Variants in ABAT observed in about 807,000 individuals in gnomAD.
ABAT encodes 4-aminobutyrate aminotransferase, mitochondrial.
Under a neutral mutation model 64.6 loss-of-function variants are expected in ABAT, and 45 were observed. The ratio of observed to expected loss-of-function variants is 0.70; its 90% CI spans 0.55 to 0.89. The LOEUF is 0.89. ABAT is among the 40% of genes least tolerant of loss of function. The probability of loss-of-function intolerance (pLI) is 0.00; values close to 1 mark genes in which losing one functional copy is unlikely to be tolerated. For synonymous variants in ABAT, 297 were observed against 250.5 expected (o/e 1.19, Z -1.75); for missense variants, 633 against 658.4 (o/e 0.96, Z 0.42).
Position 8,772,932 on chromosome 16 carries a change from C to A in ABAT, c.954+15C>A, listed in dbSNP as rs748546258. The A allele has an allele frequency of 1.9e-6, 3 of 1,613,058 alleles. No individual in the cohort carries two copies. The highest frequency in any genetic ancestry group is 3.3e-5 in the Admixed American group (2 of 59,978). On this transcript the variant is annotated intron_variant, in intron 12 of 15. Coordinates refer to ENST00000268251, the MANE Select transcript of ABAT (RefSeq NM_020686.6). ...TCGCCAGGAAGGTCAGTGGACAGGG[C>A]CGAGGTTGGATGGAGCCATTGGGTT...
intron 8 of ABAT, among the ~76,000 whole-genome samples, chr16:8,765,046 TG>T (rs1223623038): frequency 6.6e-6 from 1 of 151,896 alleles, no homozygotes; most frequent in Non-Finnish European, 1.5e-5. Context: ...AACTATGCAA[TG>T]GGGGCTGGGC....
chr16:8,676,430 CTGGGT>C (rs2057204468), intron 1 of ABAT, among the ~76,000 whole-genome samples: 1 of 152,058 alleles, frequency 6.6e-6, no homozygotes, highest in Non-Finnish European at 1.5e-5. Context: ...TTGGGGACTG[CTGGGT>C]CCCAAGTCCC....
intron 1 of ABAT, among the ~76,000 whole-genome samples, chr16:8,706,940 C>A (rs2057958701): frequency 6.6e-6 from 1 of 152,100 alleles, no homozygotes; most frequent in African/African-American, 2.4e-5. Flanking sequence ...ATGGCAGGTG[C>A]AAAGGCCCTG....
intron 1 of ABAT, among the ~76,000 whole-genome samples, chr16:8,723,933 C>G (rs537338044): frequency 6.9e-6 from 1 of 144,524 alleles, no homozygotes. Flanking sequence ...CCCCACCTCC[C>G]GGGTTCAAGC....
intron 6 of ABAT, among the ~76,000 whole-genome samples, chr16:8,763,783 C>T (rs1194873911): frequency 6.6e-6 from 1 of 152,172 alleles, no homozygotes; most frequent in Non-Finnish European, 1.5e-5. Flanking sequence ...CAAAGAGCCC[C>T]ATGTACGCTT....
chr16:8,700,748 A>G (rs2057803209), intron 1 of ABAT, among the ~76,000 whole-genome samples: 1 of 151,984 alleles, frequency 6.6e-6, no homozygotes, highest in Non-Finnish European at 1.5e-5. Flanking sequence ...GGTGTGCACC[A>G]CTACACCTGG....
chr16:8,696,447 G>A (rs1446292426), intron 1 of ABAT, among the ~76,000 whole-genome samples: 1 of 152,080 alleles, frequency 6.6e-6, no homozygotes, highest in Non-Finnish European at 1.5e-5. Context: ...ACATGATGAA[G>A]CCCTGTCTCT....
intron 2 of ABAT, among the ~76,000 whole-genome samples, chr16:8,743,623 GAT>G: frequency 7.5e-6 from 1 of 133,066 alleles, no homozygotes; most frequent in East Asian, 2.0e-4. Flanking sequence ...TTAGTTATAT[GAT>G]ATATATTTTA....
Position 8,733,325 on chromosome 16 carries a change from G to A in ABAT, c.-41-2374G>A, listed in dbSNP as rs1423622451. 3.3e-5 allele frequency among the ~76,000 whole-genome samples: 5 copies of A among 151,272 alleles called. No individual in the cohort carries two copies. In the East Asian group the frequency reaches 5.8e-4, roughly 18 times the overall value. ...TTCCTAGGTGGGATGGCGGCCGGGC[G>A]GAGACGCTCCTCACTTTCCAGACTG... On this transcript the variant is annotated intron_variant, in intron 1 of 15. Transcript: ENST00000268251.
chr16:8,703,978 C>G, intron 1 of ABAT, among the ~76,000 whole-genome samples: 1 of 152,212 alleles, frequency 6.6e-6, no homozygotes, highest in East Asian at 1.9e-4. Context: ...AGTCTGCATC[C>G]CAGAGCACAG....
At chr16:8,699,716 C>T (rs1459903957) in intron 1 of ABAT, among the ~76,000 whole-genome samples, 6 of 152,056 alleles carry the variant, frequency 3.9e-5, no homozygotes, top group Non-Finnish European at 8.8e-5. Flanking sequence ...TGTGCACCAC[C>T]ACACCTGGCT....
intron 12 of ABAT, among the ~76,000 whole-genome samples, chr16:8,774,072 G>A (rs2060198053): frequency 6.6e-6 from 1 of 152,140 alleles, no homozygotes; most frequent in Non-Finnish European, 1.5e-5. Context: ...GAGATTACAG[G>A]TGCACGACAC....
intron 1 of ABAT, among the ~76,000 whole-genome samples, chr16:8,724,058 C>G (rs2058463459): frequency 6.6e-6 from 1 of 151,648 alleles, no homozygotes; most frequent in Non-Finnish European, 1.5e-5. Context: ...CCAGGCTGGT[C>G]TTGAACTCCT....
intron 1 of ABAT, among the ~76,000 whole-genome samples, chr16:8,687,684 C>T (rs1201235936): frequency 6.6e-6 from 1 of 152,116 alleles, no homozygotes; most frequent in African/African-American, 2.4e-5. Context: ...TGTGGTGGGG[C>T]TTGGGCTGAG....
intron 2 of ABAT, among the ~76,000 whole-genome samples, chr16:8,739,192 C>T (rs929680738): frequency 3.3e-5 from 5 of 152,142 alleles, no homozygotes; most frequent in African/African-American, 4.8e-5. Flanking sequence ...AGCCTGGTGG[C>T]GCATGTGGCA....
intron 1 of ABAT, among the ~76,000 whole-genome samples, chr16:8,685,345 G>T (rs546538537): frequency 6.6e-6 from 1 of 151,772 alleles, no homozygotes; most frequent in Non-Finnish European, 1.5e-5. Context: ...AATTTGTGTT[G>T]TAAGTAGGTA....
At position 8,744,922 on chromosome 16, in the gene ABAT, T is replaced by C. The variant is rs576570398; in HGVS notation, c.71-1079T>C. Among the ~76,000 whole-genome samples the C allele has an allele frequency of 9.9e-5, 15 of 152,244 alleles. No homozygotes were observed. In the East Asian group the frequency reaches 2.5e-3, roughly 26 times the overall value. ...AATGGGTGCATAATATTCCATGAAA[T>C]GGTTGACTATGCCACATTCTGCTTA... On this transcript the variant is annotated intron_variant, in intron 2 of 15. Transcript: ENST00000268251.
At chr16:8,722,484 T>C (rs140489910) in intron 1 of ABAT, among the ~76,000 whole-genome samples, 15 of 152,250 alleles carry the variant, frequency 9.9e-5, no homozygotes, top group South Asian at 8.3e-4. Context: ...AAAATTACTT[T>C]TTTAAATTGA....
intron 1 of ABAT, among the ~76,000 whole-genome samples, chr16:8,682,631 C>T (rs1567268728): frequency 6.6e-6 from 1 of 152,174 alleles, no homozygotes; most frequent in Non-Finnish European, 1.5e-5. Context: ...TTGTCCTTGT[C>T]CAGAGGTCCC....
Sources: gnomAD v4.1 joint callset for allele counts (sites outside exome capture counted in the v4.1 genomes callset) on GRCh38, gnomAD v4.1.1 for gene constraint, MANE v1.5 for transcripts, NCBI Gene and HGNC (gene_info 2026-07-23, HGNC 2026-07-21) for gene names.